Variants in PPARGC1A observed in about 807,000 individuals in gnomAD.
PPARGC1A encodes PPARG coactivator 1 alpha, also known as peroxisome proliferator-activated receptor gamma coactivator 1-alpha.
PPARGC1A carries 25 observed loss-of-function variants against 88.7 expected under a neutral mutation model. The ratio of observed to expected loss-of-function variants is 0.28; its 90% CI spans 0.21 to 0.39. The LOEUF (loss-of-function observed/expected upper bound fraction) is 0.39. PPARGC1A is among the 10% of genes least tolerant of loss of function. The pLI, the probability that PPARGC1A is intolerant of heterozygous loss-of-function variation, is 1.00. For synonymous variants in PPARGC1A, 363 were observed against 355.6 expected (o/e 1.02, Z -0.24); for missense variants, 880 against 968.7 (o/e 0.91, Z 1.22).
the PPARGC1A span, among the ~76,000 whole-genome samples, chr4:24,232,224 G>GA: frequency 0.18 from 26,286 of 149,734 alleles, 3,115 homozygotes; most frequent in Non-Finnish European, 0.26. Flanking sequence ...ATTCTGGATT[G>GA]AAAAAAAAAA....
intron 2 of PPARGC1A, among the ~76,000 whole-genome samples, chr4:23,870,999 G>T (rs1220829444): frequency 2.0e-5 from 3 of 149,618 alleles, no homozygotes; most frequent in East Asian, 3.9e-4. Context: ...CAGTCCTATT[G>T]GAGGGTATCA....
intron 4 of PPARGC1A, 66 bp downstream of exon 4, chr4:23,829,397 G>GT: frequency 6.5e-7 from 1 of 1,542,820 alleles, no homozygotes; most frequent in South Asian, 1.1e-5. Context: ...AAACTTATTT[G>GT]TTTTACTGCT....
chr4:23,919,237 T>C, the PPARGC1A span, among the ~76,000 whole-genome samples: 1 of 152,200 alleles, frequency 6.6e-6, no homozygotes, highest in Non-Finnish European at 1.5e-5. Flanking sequence ...TTTAGGATAA[T>C]GTTTATACTA....
the PPARGC1A span, among the ~76,000 whole-genome samples, chr4:24,275,256 T>C: frequency 6.6e-6 from 1 of 152,206 alleles, no homozygotes; most frequent in African/African-American, 2.4e-5. Context: ...TCTACTGGCA[T>C]CAGCATATTA....
chr4:23,885,646 A>G (rs1560513739), intron 1 of PPARGC1A, among the ~76,000 whole-genome samples: 3 of 150,706 alleles, frequency 2.0e-5, no homozygotes, highest in Non-Finnish European at 3.0e-5. Context: ...AACTTGCAAG[A>G]TGTGTGTGTG....
At chr4:24,275,688 T>C in the PPARGC1A span, among the ~76,000 whole-genome samples, 2 of 152,244 alleles carry the variant, frequency 1.3e-5, no homozygotes, top group Admixed American at 6.5e-5. Flanking sequence ...TTCCTATTAA[T>C]GTTATCTGCT....
the PPARGC1A span, among the ~76,000 whole-genome samples, chr4:24,370,723 T>C: frequency 1.3e-5 from 2 of 148,570 alleles, no homozygotes; most frequent in East Asian, 2.0e-4. Context: ...TCTTCTCATC[T>C]TCCTCTCAGT....
At chr4:24,162,811 C>G in the PPARGC1A span, among the ~76,000 whole-genome samples, 5 of 151,806 alleles carry the variant, frequency 3.3e-5, no homozygotes, top group African/African-American at 1.2e-4. Flanking sequence ...CCAGTCTGGT[C>G]TCGCACCCCT....
At chr4:24,041,546 T>C in the PPARGC1A span, among the ~76,000 whole-genome samples, 1 of 152,192 alleles carries the variant, frequency 6.6e-6, no homozygotes, top group Non-Finnish European at 1.5e-5. Flanking sequence ...CATTTGTATG[T>C]GCCATCTGCT....
chr4:24,225,560 A>G, the PPARGC1A span, among the ~76,000 whole-genome samples: 4 of 151,564 alleles, frequency 2.6e-5, no homozygotes, highest in African/African-American at 9.7e-5. Flanking sequence ...CACAAAAACA[A>G]AACAAAATAA....
chr4:24,216,440 A>C, the PPARGC1A span, among the ~76,000 whole-genome samples: 1 of 151,946 alleles, frequency 6.6e-6, no homozygotes, highest in Non-Finnish European at 1.5e-5. Flanking sequence ...GAGCCATCAC[A>C]CTCAGCCCAT....
the PPARGC1A span, among the ~76,000 whole-genome samples, chr4:24,036,614 G>A: frequency 9.6e-5 from 13 of 136,072 alleles, no homozygotes; most frequent in Non-Finnish European, 1.6e-5. Context: ...CAGACTTTTT[G>A]TAGTAAAAAA....
chr4:23,988,901 A>G, the PPARGC1A span, among the ~76,000 whole-genome samples: 7 of 147,478 alleles, frequency 4.7e-5, no homozygotes, highest in African/African-American at 1.7e-4. Context: ...GATTTATATA[A>G]ATAGATATTA....
At chr4:23,975,057 G>A in the PPARGC1A span, among the ~76,000 whole-genome samples, 1 of 151,826 alleles carries the variant, frequency 6.6e-6, no homozygotes, top group African/African-American at 2.4e-5. Context: ...GCAGGAGAGA[G>A]GTTATAATGC....
At chr4:24,122,434 TATAGAGAGAGAG>T in the PPARGC1A span, among the ~76,000 whole-genome samples, 2 of 130,112 alleles carry the variant, frequency 1.5e-5, no homozygotes, top group African/African-American at 5.8e-5. Context: ...TATATATATA[TATAGAGAGAGAG>T]AGAGAGAGAG....
At chr4:24,333,934 CAACAACAAAAAA>C in the PPARGC1A span, among the ~76,000 whole-genome samples, 10 of 14,158 alleles carry the variant, frequency 7.1e-4, no homozygotes, top group East Asian at 0.011. Context: ...ACTCCAACAA[CAACAACAAAAAA>C]AAAAAAAAAA....
the PPARGC1A span, among the ~76,000 whole-genome samples, chr4:24,402,678 C>G: frequency 6.6e-6 from 1 of 152,216 alleles, no homozygotes; most frequent in African/African-American, 2.4e-5. Context: ...AATGAGCTTC[C>G]TTTCCCCAGA....
chr4:24,421,666 C>T, the PPARGC1A span, among the ~76,000 whole-genome samples: 1 of 152,206 alleles, frequency 6.6e-6, no homozygotes, highest in East Asian at 1.9e-4. Context: ...GTCTTCCACG[C>T]AACAGCCCCT....
intron 2 of PPARGC1A, among the ~76,000 whole-genome samples, chr4:23,870,906 A>G (rs1713178448): frequency 6.6e-6 from 1 of 151,950 alleles, no homozygotes; most frequent in South Asian, 2.1e-4. Context: ...ATAAAAATAA[A>G]CCAGCAACTA....
Sources: allele counts gnomAD v4.1 joint callset (sites outside exome capture counted in the v4.1 genomes callset), GRCh38; gene constraint gnomAD v4.1.1; transcripts MANE v1.5; gene names NCBI Gene and HGNC (gene_info 2026-07-23, HGNC 2026-07-21).